The following RNF19A variants were observed in gnomAD, a reference collection of about 807,000 sequenced individuals.
RNF19A encodes ring finger protein 19A, RBR E3 ubiquitin protein ligase.
A neutral mutation model predicts 75.7 loss-of-function variants in RNF19A; 32 were observed. The observed-to-expected ratio is 0.42, with a 90% CI of 0.32 to 0.57. The LOEUF is 0.57. Among genes scored for constraint, RNF19A ranks in the 20% least tolerant of loss-of-function variants. The probability of loss-of-function intolerance (pLI) is 0.10; values close to 1 mark genes in which losing one functional copy is unlikely to be tolerated. For synonymous variants in RNF19A, 335 were observed against 345.2 expected (o/e 0.97, Z 0.33); for missense variants, 782 against 1,036.3 (o/e 0.75, Z 3.37).
At chr8:100,299,110 G>A (rs1418190965) in intron 1 of RNF19A, among the ~76,000 whole-genome samples, 1 of 152,142 alleles carries the variant, frequency 6.6e-6, no homozygotes, top group Non-Finnish European at 1.5e-5. Flanking sequence ...CTCAACAGAA[G>A]GGAAACACTA....
In RNF19A at chr8:100,331,134, G is replaced by A. The variant is rs1822605459; in HGVS notation, c.-243+4974C>T. 6.6e-6 allele frequency among the ~76,000 whole-genome samples: 1 copy of A among 152,144 alleles called. No homozygotes were observed. Among genetic ancestry groups the A allele is most frequent in the South Asian group, 2.1e-4 (1 of 4,834 alleles). On this transcript the variant is annotated intron_variant, in intron 1 of 3. Transcript: ENST00000519527. The surrounding 1 kb of genome is among the most constrained non-coding windows in gnomAD (Gnocchi z 5.2). The stretch of plus-strand genomic sequence containing the variant: ...ACATCCCATATGGGTCAGGTGCTGG[G>A]CAATTCAATAAGAAAGACAACATTC...
chr8:100,332,997 GACA>G lies in RNF19A; in HGVS notation c.-243+3108_-243+3110del, dbSNP rs1351793690. On this transcript the variant is annotated intron_variant, in intron 1 of 3. Transcript: ENST00000519527. This position sits in a 1 kb window ranked among gnomAD's most constrained non-coding sequence, Gnocchi z 4.8. ...TCTTATTTACATTTGCCAAGAACAT[GACA>G]ACTTTGACTCTTTTCTCTTTTTCAC... Among the ~76,000 whole-genome samples the G allele has an allele frequency of 6.6e-6, 1 of 152,070 alleles. No homozygotes were observed. The highest frequency in any genetic ancestry group is 1.5e-5 in the Non-Finnish European group (1 of 68,008).
At chr8:100,315,833 C>A (rs887238259) in intron 1 of RNF19A, among the ~76,000 whole-genome samples, 1 of 152,186 alleles carries the variant, frequency 6.6e-6, no homozygotes, top group African/African-American at 2.4e-5. Context: ...AAATAGATTT[C>A]TGAGTTTCAT....
intron 7 of RNF19A, among the ~76,000 whole-genome samples, chr8:100,262,558 A>G (rs965266315): frequency 1.3e-5 from 2 of 152,158 alleles, no homozygotes. Context: ...GCTCAGAGAC[A>G]TAGTTGGGGC....
chr8:100,312,769 C>G (rs549052445), upstream of RNF19A, among the ~76,000 whole-genome samples: 1 of 152,114 alleles, frequency 6.6e-6, no homozygotes, highest in Non-Finnish European at 1.5e-5. Context: ...ATAAAAAATA[C>G]AAAAATTGGC....
In RNF19A at chr8:100,326,028, C is replaced by T. The variant is rs531098321; in HGVS notation, c.-243+10080G>A. Among the ~76,000 whole-genome samples the T allele has an allele frequency of 5.3e-5, 8 of 152,230 alleles. No homozygotes were observed. The South Asian group carries it at 1.5e-3, about 28-fold the overall frequency. On this transcript the variant is annotated intron_variant, in intron 1 of 3. Coordinates refer to the RNF19A transcript ENST00000519527. ...ACAAAGCTATATGCTATCTGCTATCCGGGTGTTTTATGCTCTTTGTCTAAA... is the reference window on the plus strand; with the variant it reads ...ACAAAGCTATATGCTATCTGCTATCTGGGTGTTTTATGCTCTTTGTCTAAA...
Position 100,284,064 on chromosome 8 carries a change from T to C in RNF19A, c.674+3437A>G, listed in dbSNP as rs75077164. Among the ~76,000 whole-genome samples the C allele has an allele frequency of 0.073, 11,103 of 152,016 alleles. 1,196 individuals carry two copies. Among genetic ancestry groups the C allele is most frequent in the African/African-American group, 0.23 (9,641 of 41,386 alleles). On this transcript the variant is annotated intron_variant, in intron 2 of 9. Coordinates refer to ENST00000341084, the MANE Select transcript of RNF19A (RefSeq NM_183419.4). The surrounding 1 kb of genome is among the most constrained non-coding windows in gnomAD (Gnocchi z 4.3). ...CCTGGTACATAGGTGCATTAAATATTTGAATGATTATCTGATTTAAAAAAA... is the reference window on the plus strand; with the variant it reads ...CCTGGTACATAGGTGCATTAAATATCTGAATGATTATCTGATTTAAAAAAA...
At chr8:100,306,269 T>C (rs1024619565) in intron 1 of RNF19A, among the ~76,000 whole-genome samples, 1 of 152,210 alleles carries the variant, frequency 6.6e-6, no homozygotes, top group East Asian at 1.9e-4. Flanking sequence ...CTGAGCAGGA[T>C]TTTTGCTTCA....
Position 100,258,904 on chromosome 8 carries a change from A to G in RNF19A, c.2169T>C (p.Ser723=), listed in dbSNP as rs2132473553. 1 of 1,614,218 alleles carries G rather than the reference A, an allele frequency of 6.2e-7. No individual in the cohort carries two copies. Among genetic ancestry groups the G allele is most frequent in the South Asian group, 1.1e-5 (1 of 91,082 alleles). The change falls in exon 10 of 10, where the codon TCT becomes TCC. Residue 723 remains serine (S), a synonymous_variant. Transcript: ENST00000341084. This position sits in a 1 kb window ranked among gnomAD's most constrained non-coding sequence, Gnocchi z 4.3. ...LSDSMPSVAD[S]HSSHFSEFSC... is the part of the protein sequence containing the mutation. ...TAAATTCAGAAAAATGACTAGAGTGAGAATCTGCTACAGAAGGCATACTGT... is the reference window on the plus strand; with the variant it reads ...TAAATTCAGAAAAATGACTAGAGTGGGAATCTGCTACAGAAGGCATACTGT...
chr8:100,300,499 A>G (rs536705832), intron 1 of RNF19A: 6 of 151,974 alleles, frequency 3.9e-5, no homozygotes, highest in African/African-American at 1.5e-4. Context: ...CAAAAACTAC[A>G]CAAATTAGCT....
At chr8:100,272,114 A>G (rs1207874535) in intron 3 of RNF19A, among the ~76,000 whole-genome samples, 1 of 152,212 alleles carries the variant, frequency 6.6e-6, no homozygotes, top group African/African-American at 2.4e-5. Flanking sequence ...GCAGGAGTGG[A>G]GAGCCAATTA....
chr8:100,303,803 T>C (rs1360530488), intron 1 of RNF19A, among the ~76,000 whole-genome samples: 1 of 143,702 alleles, frequency 7.0e-6, no homozygotes, highest in Non-Finnish European at 1.5e-5. Context: ...CTGGGTGTGG[T>C]GGCAGGTGCC....
intron 2 of RNF19A, among the ~76,000 whole-genome samples, chr8:100,278,759 T>C (rs1036893407): frequency 6.6e-6 from 1 of 152,106 alleles, no homozygotes; most frequent in Admixed American, 6.5e-5. Context: ...TAATTTTTAA[T>C]TAATGATTTA....
In RNF19A at chr8:100,257,824, A is replaced by G. The variant is rs1819526506; in HGVS notation, c.*732T>C. 2.6e-6 allele frequency: 1 copy of G among 391,314 alleles called. No homozygotes were observed. The highest frequency in any genetic ancestry group is 4.4e-5 in the Admixed American group (1 of 22,518). The allele number at this position is 391,314 out of a possible 1,614,324, so 24.2% of individuals were successfully genotyped here. On this transcript the variant is annotated 3_prime_UTR_variant, in exon 10 of 10. Transcript: ENST00000341084. The stretch of plus-strand genomic sequence containing the variant: ...GATTTTTTGTAATACTTATAACCTA[A>G]TGGGACTTTATTTTGTAGTTTTATG...
intron 2 of RNF19A, among the ~76,000 whole-genome samples, chr8:100,281,642 ACT>A (rs1306876732): frequency 6.6e-6 from 1 of 152,234 alleles, no homozygotes; most frequent in African/African-American, 2.4e-5. Flanking sequence ...ACAAAATGAC[ACT>A]GTCTCTCATG....
At chr8:100,289,643 A>C (rs1296156790) in intron 1 of RNF19A, among the ~76,000 whole-genome samples, 1 of 152,192 alleles carries the variant, frequency 6.6e-6, no homozygotes, top group African/African-American at 2.4e-5. Flanking sequence ...TGACATTTCC[A>C]AGTGTTAGCA....
At chr8:100,304,012 A>C (rs1821959982) in intron 1 of RNF19A, among the ~76,000 whole-genome samples, 1 of 152,092 alleles carries the variant, frequency 6.6e-6, no homozygotes, top group Non-Finnish European at 1.5e-5. Flanking sequence ...CCTGGAGTGC[A>C]ATGTCGCAAT....
intron 2 of RNF19A, among the ~76,000 whole-genome samples, chr8:100,276,364 T>C (rs1820511702): frequency 6.6e-6 from 1 of 152,194 alleles, no homozygotes; most frequent in African/African-American, 2.4e-5. Flanking sequence ...TCCATTTATA[T>C]ATTTTTGAAA....
At chr8:100,277,708 T>C (rs2129759930) in intron 2 of RNF19A, among the ~76,000 whole-genome samples, 1 of 152,348 alleles carries the variant, frequency 6.6e-6, no homozygotes, top group African/African-American at 2.4e-5. Context: ...ATGGGTAATT[T>C]AACAAAGCTT....
Sources: allele counts gnomAD v4.1 joint callset (sites outside exome capture counted in the v4.1 genomes callset), GRCh38; gene constraint gnomAD v4.1.1; non-coding constraint Gnocchi (gnomAD v3.1); transcripts MANE v1.5; gene names NCBI Gene and HGNC (gene_info 2026-07-23, HGNC 2026-07-21).